The following GREB1 variants were observed in gnomAD, a reference collection of about 807,000 sequenced individuals.
The protein encoded by GREB1 is growth regulating estrogen receptor binding 1.
Under a neutral mutation model 200.7 loss-of-function variants are expected in GREB1, and 106 were observed. The ratio of observed to expected loss-of-function variants is 0.53; its 90% confidence interval spans 0.45 to 0.62. GREB1 has a LOEUF of 0.62. Ranked by LOEUF, GREB1 falls within the 20% of genes least tolerant of loss-of-function variation. GREB1 has a pLI of 0.00. For missense variants in GREB1, 2,243 were observed against 2,556.8 expected (o/e 0.88, Z 2.65); for synonymous variants, 1,132 against 1,092.4 (o/e 1.04, Z -0.72).
In GREB1 at chr2:11,598,912, T is replaced by C. The variant is rs761140263; in HGVS notation, c.2333+52T>C. ...TTGACATTTTCCTTCTTTGAAGTGA[T>C]GTATGTGGATGTTCCCGGGGGCTGA... On this transcript the variant is annotated intron_variant, in intron 15 of 32. Transcript: ENST00000381486. 10 of 1,423,458 alleles carry C rather than the reference T, an allele frequency of 7.0e-6. No homozygotes were observed. In the Admixed American group the frequency reaches 8.5e-5, roughly 12 times the overall value. 88.2% of individuals were successfully genotyped at this position (1,423,458 alleles called of 1,614,324 possible).
At chr2:11,489,145 A>G (rs1672724159) in intron 1 of GREB1, among the ~76,000 whole-genome samples, 1 of 152,236 alleles carries the variant, frequency 6.6e-6, no homozygotes, top group South Asian at 2.1e-4. Context: ...ACAATTAGAG[A>G]ACAATTAAGA....
rs146540198 is a variant in GREB1, at chr2:11,608,027, C to T, written c.2667-2661C>T. Reference sequence around the variant, plus strand: ...TACCACTGCTTGATGCTGAGCCTCACGGTCTCTAGATTCCAGAGGGGGACT... The same window carrying T: ...TACCACTGCTTGATGCTGAGCCTCATGGTCTCTAGATTCCAGAGGGGGACT... On this transcript the variant is annotated intron_variant, in intron 17 of 32. Coordinates refer to ENST00000381486, the MANE Select transcript of GREB1 (RefSeq NM_014668.4). 1.1e-4 allele frequency among the ~76,000 whole-genome samples: 16 copies of T among 152,258 alleles called. No individual in the cohort carries two copies. The East Asian group carries it at 2.5e-3, about 24-fold the overall frequency.
intron 10 of GREB1, among the ~76,000 whole-genome samples, chr2:11,590,022 C>A (rs376402645): frequency 6.6e-6 from 1 of 152,100 alleles, no homozygotes; most frequent in Non-Finnish European, 1.5e-5. Flanking sequence ...ATATTAAAGC[C>A]GTGAGACCAG....
chr2:11,527,687 A>G (rs1206784969), intron 1 of GREB1, among the ~76,000 whole-genome samples: 1 of 152,202 alleles, frequency 6.6e-6, no homozygotes, highest in Non-Finnish European at 1.5e-5. Flanking sequence ...GGCACTGCCT[A>G]GGCTCCATAG....
chr2:11,545,109 C>T (rs551534049), intron 1 of GREB1, among the ~76,000 whole-genome samples: 27 of 151,984 alleles, frequency 1.8e-4, no homozygotes, highest in Admixed American at 1.1e-3. Context: ...GCCACCGGCC[C>T]GGCCTGCTCT....
At chr2:11,502,117 A>G (rs1453398103) in intron 1 of GREB1, among the ~76,000 whole-genome samples, 5 of 145,470 alleles carry the variant, frequency 3.4e-5, no homozygotes, top group East Asian at 2.1e-4. Context: ...GCGTTTCACC[A>G]TGTTGGCCAG....
intron 23 of GREB1, among the ~76,000 whole-genome samples, chr2:11,623,656 C>T (rs1291598834): frequency 6.6e-6 from 1 of 152,172 alleles, no homozygotes; most frequent in Non-Finnish European, 1.5e-5. Context: ...TTTGTGGGGC[C>T]GAGGTGGGTG....
chr2:11,491,186 A>G (rs1204189569), intron 1 of GREB1, among the ~76,000 whole-genome samples: 1 of 152,204 alleles, frequency 6.6e-6, no homozygotes, highest in Non-Finnish European at 1.5e-5. Context: ...CTTACATTAT[A>G]TTCTAAACAT....
chr2:11,588,263 C>T (rs1472094461), intron 9 of GREB1: 2 of 1,050,978 alleles, frequency 1.9e-6, no homozygotes, highest in African/African-American at 3.3e-5. Context: ...CTTCTGGTCT[C>T]TGTGGTGATA....
intron 10 of GREB1, among the ~76,000 whole-genome samples, 161 bp downstream of exon 10, chr2:11,589,092 C>T (rs530773573): frequency 2.6e-5 from 4 of 152,134 alleles, no homozygotes; most frequent in Non-Finnish European, 5.9e-5. Context: ...TCACTGTGGG[C>T]GTCCCCACAC....
rs1264712097 is a variant in GREB1, at chr2:11,492,233, T to A, written c.-159+9852T>A. Among the ~76,000 whole-genome samples the A allele has an allele frequency of 6.6e-6, 1 of 152,218 alleles. No homozygotes were observed. The highest frequency in any genetic ancestry group is 2.4e-5 in the African/African-American group (1 of 41,456). On this transcript the variant is annotated intron_variant, in intron 1 of 2. Coordinates refer to the GREB1 transcript ENST00000628795. This position sits in a 1 kb window ranked among gnomAD's most constrained non-coding sequence, Gnocchi z 4.0. ...CAGGCCTGAGTGGGCTCTTCCCTCATGCCCACCCCACTTGGTAGAAGCAAC... is the reference window on the plus strand; with the variant it reads ...CAGGCCTGAGTGGGCTCTTCCCTCAAGCCCACCCCACTTGGTAGAAGCAAC...
intron 14 of GREB1, 56 bp downstream of exon 14, chr2:11,598,034 C>T: frequency 7.8e-7 from 1 of 1,274,116 alleles, no homozygotes; most frequent in Non-Finnish European, 1.1e-6. Context: ...CTGCCGAAAT[C>T]CATGTGTGGG....
intron 30 of GREB1, among the ~76,000 whole-genome samples, chr2:11,637,358 G>T (rs12992115): frequency 0.22 from 33,475 of 151,748 alleles, 4,280 homozygotes; most frequent in East Asian, 0.39. Flanking sequence ...CCGGGGCTGG[G>T]CGGGATGGGG....
Position 11,618,354 on chromosome 2 carries a change from C to T in GREB1, c.3479C>T (p.Ser1160Leu), listed in dbSNP as rs773564841. ...CTCCCCCAGGGAGAGCATGCCAGGTCGCCCCAGCCCCGTGGCCCCGCAGAG... is the reference window on the plus strand; with the variant it reads ...CTCCCCCAGGGAGAGCATGCCAGGTTGCCCCAGCCCCGTGGCCCCGCAGAG... The part of the protein sequence containing the change: ...TALPQGEHAR[S>L]PQPRGPAEEG... Residue 1160 changes from serine to leucine, a missense_variant, in exon 22 of 33, where the codon TCG becomes TTG. Ser to Leu is a moderately radical substitution (Grantham distance 145). Coordinates refer to ENST00000381486, the MANE Select transcript of GREB1 (RefSeq NM_014668.4). 2.3e-5 allele frequency: 37 copies of T among 1,607,882 alleles called. No homozygotes were observed. The highest frequency in any genetic ancestry group is 8.4e-5 in the Admixed American group (5 of 59,690).
At chr2:11,628,119 T>C (rs1406301100) in intron 25 of GREB1, among the ~76,000 whole-genome samples, 1 of 152,152 alleles carries the variant, frequency 6.6e-6, no homozygotes, top group Non-Finnish European at 1.5e-5. Context: ...ACGAGGACTC[T>C]CTCAGTGGGA....
At chr2:11,488,832 T>TA (rs1672716673) in intron 1 of GREB1, among the ~76,000 whole-genome samples, 1 of 125,002 alleles carries the variant, frequency 8.0e-6, no homozygotes, top group Non-Finnish European at 1.7e-5. Flanking sequence ...AATTACCAGA[T>TA]AAAATCTATC....
rs925731226 is a variant in GREB1 at position 11,534,075 on chromosome 2, C to T, written c.-341C>T. ...ATGGTTAAGAGATACATAAATACTGCAGTAGAGATGGGATTTTACCTCAAA... is the reference window on the plus strand; with the variant it reads ...ATGGTTAAGAGATACATAAATACTGTAGTAGAGATGGGATTTTACCTCAAA... On this transcript the variant is annotated 5_prime_UTR_variant, in exon 1 of 33. Coordinates refer to ENST00000381486, the MANE Select transcript of GREB1 (RefSeq NM_014668.4). The T allele has an allele frequency of 6.6e-6, 1 of 152,138 alleles. No individual in the cohort carries two copies. The highest frequency in any genetic ancestry group is 2.4e-5 in the African/African-American group (1 of 41,406). 9.4% of individuals were successfully genotyped at this position (152,138 alleles called of 1,614,324 possible).
In GREB1 at chr2:11,548,443, C is replaced by G. The variant is rs1236354818; in HGVS notation, c.-161-8011C>G. Reference sequence around the variant, plus strand: ...TCTCATTCTTCCAAAATAGTTATATCAAAACTTTGTTTGAATCAGCACTCA... The same window carrying G: ...TCTCATTCTTCCAAAATAGTTATATGAAAACTTTGTTTGAATCAGCACTCA... On this transcript the variant is annotated intron_variant, in intron 1 of 32. Transcript: ENST00000381486. The surrounding 1 kb of genome is among the most constrained non-coding windows in gnomAD (Gnocchi z 5.1). 6.6e-6 allele frequency among the ~76,000 whole-genome samples: 1 copy of G among 152,144 alleles called. No individual in the cohort carries two copies. The highest frequency in any genetic ancestry group is 2.4e-5 in the African/African-American group (1 of 41,420).
upstream of GREB1, among the ~76,000 whole-genome samples, chr2:11,530,407 A>G (rs1403962491): frequency 7.2e-6 from 1 of 138,860 alleles, no homozygotes; most frequent in African/African-American, 2.8e-5. Flanking sequence ...GCCAAATAGG[A>G]AAAAAAAAAA....
Sources: gnomAD v4.1 joint callset for allele counts (sites outside exome capture counted in the v4.1 genomes callset) on GRCh38, gnomAD v4.1.1 for gene constraint, Gnocchi (gnomAD v3.1) non-coding constraint, MANE v1.5 for transcripts, NCBI Gene and HGNC (gene_info 2026-07-23, HGNC 2026-07-21) for gene names.